The following SLC12A7 variants were observed in gnomAD, a reference collection of about 807,000 sequenced individuals.
SLC12A7 encodes the protein solute carrier family 12 member 7.
SLC12A7 carries 100 observed loss-of-function variants against 120.6 expected under a neutral mutation model. That is an observed-to-expected ratio of 0.83 (90% CI 0.71 to 0.98). The LOEUF (loss-of-function observed/expected upper bound fraction) is 0.98, where lower values mean the gene tolerates loss of function less well. Ranked by LOEUF, SLC12A7 falls within the 50% of genes least tolerant of loss-of-function variation. The pLI is 0.00. For synonymous variants in SLC12A7, 760 were observed against 678.0 expected, an observed-to-expected ratio of 1.12 and a Z score of -1.88; for missense variants, 1,373 against 1,548.1, an observed-to-expected ratio of 0.89 and a Z score of 1.90.
rs560340620 is a variant in SLC12A7, at chr5:1,083,346, G to T, written c.1129+399C>A. Among the ~76,000 whole-genome samples the T allele has an allele frequency of 1.5e-4, 23 of 152,326 alleles. No homozygotes were observed. In the South Asian group the frequency reaches 3.1e-3, roughly 21 times the overall value. On this transcript the variant is annotated intron_variant, in intron 8 of 23. Coordinates refer to ENST00000264930, the MANE Select transcript of SLC12A7 (RefSeq NM_006598.3). ...GCAGGTCTCGTGTACCCTGCCAGGG[G>T]TCCTTTTCCCTCAACCCCCTGGGGC...
At chr5:1,068,044 T>TGC in intron 17 of SLC12A7, among the ~76,000 whole-genome samples, 1 of 152,306 alleles carries the variant, frequency 6.6e-6, no homozygotes, top group Admixed American at 6.5e-5. Flanking sequence ...TGCCAATCAG[T>TGC]GCCACACAGA....
At chr5:1,080,630 G>A (rs1046607469) in intron 9 of SLC12A7, among the ~76,000 whole-genome samples, 18 of 152,246 alleles carry the variant, frequency 1.2e-4, no homozygotes, top group African/African-American at 3.6e-4. Flanking sequence ...CAAGAAGGCC[G>A]AGTGGAGACA....
At chr5:1,133,976 G>A in the SLC12A7 span, among the ~76,000 whole-genome samples, 1 of 152,064 alleles carries the variant, frequency 6.6e-6, no homozygotes, top group Non-Finnish European at 1.5e-5. Context: ...TGGAGAGAGG[G>A]AGCTTGATTG....
chr5:1,116,363 T>C (rs927216194), upstream of SLC12A7, among the ~76,000 whole-genome samples: 2 of 152,192 alleles, frequency 1.3e-5, no homozygotes, highest in African/African-American at 2.4e-5. Flanking sequence ...GTCTGCACAG[T>C]GGCCAGGTAC....
chr5:1,139,067 T>TG, the SLC12A7 span, among the ~76,000 whole-genome samples: 18,305 of 150,596 alleles, frequency 0.12, 1,219 homozygotes, highest in Middle Eastern at 0.2. Context: ...AAGCTTGGGG[T>TG]GGGGGGGGGG....
chr5:1,056,490 AAC>A, intron 22 of SLC12A7: 1 of 623,756 alleles, frequency 1.6e-6, no homozygotes, highest in Non-Finnish European at 2.0e-6. Flanking sequence ...ACAGGCCTAG[AAC>A]ACGCGCACAG....
At chr5:1,136,953 C>G in the SLC12A7 span, among the ~76,000 whole-genome samples, 1 of 143,470 alleles carries the variant, frequency 7.0e-6, no homozygotes, top group Non-Finnish European at 1.5e-5. Flanking sequence ...ACACATACCA[C>G]CAGGACACAC....
intron 2 of SLC12A7, 30 bp downstream of exon 2, chr5:1,094,124 G>A (rs1331966911): frequency 2.6e-6 from 4 of 1,568,618 alleles, no homozygotes; most frequent in Non-Finnish European, 3.5e-6. Context: ...AACGGCCCTG[G>A]CACCTTCTTC....
chr5:1,067,927 C>T (rs1219649272), intron 17 of SLC12A7, among the ~76,000 whole-genome samples: 5 of 115,374 alleles, frequency 4.3e-5, no homozygotes, highest in Non-Finnish European at 7.3e-5. Flanking sequence ...AGTCCCCGCA[C>T]CTGCCCGGCG....
intron 1 of SLC12A7, among the ~76,000 whole-genome samples, chr5:1,108,092 G>C (rs1742673929): frequency 6.6e-6 from 1 of 152,168 alleles, no homozygotes; most frequent in Non-Finnish European, 1.5e-5. Context: ...ACACATGTAT[G>C]CACACGTGTG....
At chr5:1,128,642 AG>A in the SLC12A7 span, among the ~76,000 whole-genome samples, 1 of 152,260 alleles carries the variant, frequency 6.6e-6, no homozygotes, top group African/African-American at 2.4e-5. Context: ...AGACTGGTAC[AG>A]ACCAGGTGGC....
intron 13 of SLC12A7, 123 bp downstream of exon 13, chr5:1,076,571 C>G: frequency 2.7e-6 from 2 of 740,600 alleles, no homozygotes; most frequent in Admixed American, 4.7e-5. Context: ...CCGGCAGGAT[C>G]CTGACTGCCC....
At position 1,084,050 on chromosome 5, in the gene SLC12A7, C is replaced by T. The variant is rs1208932710; in HGVS notation, c.918-94G>A. ...CCCCAACGGGCACCCATGGTGTCGC[C>T]CGCGAGTGGCTCCTGGCACCCTGCA... On this transcript the variant is annotated intron_variant, in intron 7 of 23. Coordinates refer to ENST00000264930, the MANE Select transcript of SLC12A7 (RefSeq NM_006598.3). 9 of 1,054,580 alleles carry T rather than the reference C, an allele frequency of 8.5e-6. No individual in the cohort carries two copies. The East Asian group carries it at 2.3e-4, about 27-fold the overall frequency. The allele number at this position is 1,054,580 out of a possible 1,614,324, so 65.3% of individuals were successfully genotyped here.
At chr5:1,069,752 C>A (rs1471065354) in intron 17 of SLC12A7, among the ~76,000 whole-genome samples, 2 of 152,166 alleles carry the variant, frequency 1.3e-5, no homozygotes, top group African/African-American at 4.8e-5. Flanking sequence ...GATGGGACCC[C>A]ACAGGCTTTC....
At chr5:1,090,019 A>C (rs1740316674) in intron 3 of SLC12A7, among the ~76,000 whole-genome samples, 1 of 152,182 alleles carries the variant, frequency 6.6e-6, no homozygotes, top group African/African-American at 2.4e-5. Context: ...GAAAAGGGGG[A>C]AGGTTTTATT....
chr5:1,094,479 T>C (rs1157038394), intron 1 of SLC12A7, among the ~76,000 whole-genome samples: 4 of 152,114 alleles, frequency 2.6e-5, no homozygotes, highest in Non-Finnish European at 5.9e-5. Flanking sequence ...CTAGCCCCAA[T>C]GCGCAAGCTA....
chr5:1,054,308 C>G (rs1419191049), intron 22 of SLC12A7, among the ~76,000 whole-genome samples: 1 of 152,262 alleles, frequency 6.6e-6, no homozygotes, highest in Non-Finnish European at 1.5e-5. Flanking sequence ...CAAAGCGTCC[C>G]TGGCGGCCTG....
chr5:1,067,319 C>T lies in SLC12A7; in HGVS notation c.2242-1841G>A, dbSNP rs150430608. On this transcript the variant is annotated intron_variant, in intron 17 of 23. Transcript: ENST00000264930. ...GAGGCAGAGACCGGCTGGAGGCGGA[C>T]GCTGCGGGGTGGACACAGCCGTCTC... 8.9e-3 allele frequency among the ~76,000 whole-genome samples: 1,354 copies of T among 152,342 alleles called. 9 individuals carry two copies. Among genetic ancestry groups the T allele is most frequent in the Non-Finnish European group, 0.015 (1,037 of 68,034 alleles).
At chr5:1,116,189 G>C (rs945721306), upstream of SLC12A7, among the ~76,000 whole-genome samples, 5 of 152,176 alleles carry the variant, frequency 3.3e-5, no homozygotes, top group Admixed American at 1.3e-4. Context: ...GCCCATGGCT[G>C]CATCTCCCCT....
Sources: allele counts gnomAD v4.1 joint callset (sites outside exome capture counted in the v4.1 genomes callset), GRCh38; gene constraint gnomAD v4.1.1; transcripts MANE v1.5; gene names NCBI Gene and HGNC (gene_info 2026-07-23, HGNC 2026-07-21).